PATJ: variants seen among roughly 807,000 people sequenced by gnomAD.
PATJ encodes the protein inaD-like protein.
Under a neutral mutation model 224.9 loss-of-function variants are expected in PATJ, and 190 were observed. The ratio of observed to expected loss-of-function variants is 0.84; its 90% CI spans 0.75 to 0.95. The LOEUF (loss-of-function observed/expected upper bound fraction) is 0.95. Ranked by LOEUF, PATJ falls within the 40% of genes least tolerant of loss-of-function variation. The probability of loss-of-function intolerance (pLI) is 0.00; values close to 1 mark genes in which losing one functional copy is unlikely to be tolerated. For missense variants in PATJ, 2,121 were observed against 2,270.3 expected (o/e 0.93, Z 1.34); for synonymous variants, 769 against 820.3 (o/e 0.94, Z 1.07).
intron 33 of PATJ, among the ~76,000 whole-genome samples, chr1:62,104,124 A>G (rs895497714): frequency 7.0e-6 from 1 of 142,144 alleles, no homozygotes; most frequent in African/African-American, 2.5e-5. Context: ...TTACATATGC[A>G]GAGATAGGAA....
At chr1:61,945,853 C>T (rs902477705) in intron 27 of PATJ, among the ~76,000 whole-genome samples, 10 of 152,108 alleles carry the variant, frequency 6.6e-5, no homozygotes, top group Admixed American at 3.3e-4. Flanking sequence ...GAACAGAAAT[C>T]ATAACAAACT....
rs548327745 is a variant in PATJ at position 61,970,125 on chromosome 1, G to T, written c.3671-20043G>T. 3.5e-4 allele frequency among the ~76,000 whole-genome samples: 53 copies of T among 150,774 alleles called. 2 individuals are homozygous for T. In the South Asian group the frequency reaches 0.011, roughly 31 times the overall value. On this transcript the variant is annotated intron_variant, in intron 27 of 43. Transcript: ENST00000642238. ...TCTGTGCTCTTGGTATCATATCCAA[G>T]AAACCATTGCCAAATCCAAAGTTAT...
chr1:62,024,840 C>T (rs1187728197), intron 29 of PATJ, among the ~76,000 whole-genome samples: 2 of 152,068 alleles, frequency 1.3e-5, no homozygotes, highest in Non-Finnish European at 2.9e-5. Flanking sequence ...AATATGATAC[C>T]TTAGGCATAG....
chr1:61,934,117 T>C (rs1010108772), intron 27 of PATJ, among the ~76,000 whole-genome samples: 1 of 149,546 alleles, frequency 6.7e-6, no homozygotes, highest in African/African-American at 2.5e-5. Context: ...TGTATTTTGT[T>C]GTTGTTGTTA....
chr1:61,845,347 G>C (rs1333723008), intron 17 of PATJ, among the ~76,000 whole-genome samples: 2 of 152,094 alleles, frequency 1.3e-5, no homozygotes, highest in African/African-American at 4.8e-5. Context: ...ATAGTCTGTA[G>C]ACCAAAAACA....
chr1:61,861,794 A>T, intron 19 of PATJ, 127 bp downstream of exon 19: 1 of 521,936 alleles, frequency 1.9e-6, no homozygotes, highest in Non-Finnish European at 3.4e-6. Context: ...ATAAATAAAG[A>T]CATAAAGAAG....
intron 27 of PATJ, among the ~76,000 whole-genome samples, chr1:61,960,919 G>C (rs1042448376): frequency 3.8e-4 from 58 of 152,142 alleles, no homozygotes; most frequent in African/African-American, 1.4e-3. Flanking sequence ...AAAGATGGAA[G>C]GATTGGTATC....
At chr1:61,910,406 T>C (rs1672446618) in intron 25 of PATJ, among the ~76,000 whole-genome samples, 1 of 152,178 alleles carries the variant, frequency 6.6e-6, no homozygotes, top group Admixed American at 6.5e-5. Context: ...GACTGCCACA[T>C]TGTACATTCA....
intron 31 of PATJ, among the ~76,000 whole-genome samples, chr1:62,062,686 G>T (rs893390915): frequency 6.6e-6 from 1 of 151,374 alleles, no homozygotes; most frequent in Non-Finnish European, 1.5e-5. Flanking sequence ...TGTAGAGATG[G>T]GGGTCTCACT....
At chr1:61,892,387 T>C (rs528718904) in intron 22 of PATJ, among the ~76,000 whole-genome samples, 1 of 152,274 alleles carries the variant, frequency 6.6e-6, no homozygotes, top group South Asian at 2.1e-4. Flanking sequence ...TCACCTTGGC[T>C]GTCTGGAGTC....
chr1:61,919,511 C>T (rs960453315), intron 26 of PATJ, among the ~76,000 whole-genome samples: 3 of 151,730 alleles, frequency 2.0e-5, no homozygotes, highest in African/African-American at 7.3e-5. Context: ...TGCCATGTTG[C>T]GCAGGCTGAT....
chr1:61,993,894 G>C (rs1287279668), intron 28 of PATJ, among the ~76,000 whole-genome samples: 1 of 152,094 alleles, frequency 6.6e-6, no homozygotes, highest in African/African-American at 2.4e-5. Flanking sequence ...ATAACATTTT[G>C]CTTTATTGGA....
At chr1:61,886,819 C>CAATAAAAAAAAAAAAAA in intron 22 of PATJ, among the ~76,000 whole-genome samples, 1 of 87,500 alleles carries the variant, frequency 1.1e-5, no homozygotes, top group Non-Finnish European at 2.7e-5. Context: ...GACCCCATCT[C>CAATAAAAAAAAAAAAAA]AAAAAAAAAA....
At chr1:61,799,080 T>C (rs905218632) in intron 11 of PATJ, among the ~76,000 whole-genome samples, 3 of 152,214 alleles carry the variant, frequency 2.0e-5, no homozygotes, top group African/African-American at 7.2e-5. Context: ...AGTAGAACTT[T>C]TGTTGCTGAA....
rs375726285 is a variant in PATJ at position 62,114,129 on chromosome 1, G to A, written c.4538G>A (p.Arg1513Gln). ...TALRQTPQKV[R>Q]LVVYRDEAHY... Reference sequence around the variant, plus strand: ...CTGAGGCAGACCCCCCAGAAGGTGCGGCTGGTGGTGTATAGAGATGAGGCA... The same window carrying A: ...CTGAGGCAGACCCCCCAGAAGGTGCAGCTGGTGGTGTATAGAGATGAGGCA... The change falls in exon 35 of 44, where the codon CGG becomes CAG. Residue 1513 changes from arginine (R) to glutamine (Q), a missense_variant. Physicochemically the swap from Arg to Gln is conservative, Grantham distance 43. Coordinates refer to ENST00000642238, the MANE Select transcript of PATJ (RefSeq NM_001350145.3). 2.2e-5 allele frequency: 35 copies of A among 1,613,968 alleles called. No individual in the cohort carries two copies. In the Admixed American group the frequency reaches 2.3e-4, roughly 11 times the overall value.
chr1:62,042,167 G>C (rs543619138), intron 30 of PATJ, among the ~76,000 whole-genome samples: 1 of 152,196 alleles, frequency 6.6e-6, no homozygotes, highest in Admixed American at 6.5e-5. Flanking sequence ...AATCACATTA[G>C]GCATTTAAAT....
intron 30 of PATJ, among the ~76,000 whole-genome samples, chr1:62,043,789 A>G (rs991483109): frequency 5.9e-5 from 9 of 152,068 alleles, no homozygotes; most frequent in African/African-American, 1.4e-4. Context: ...GTGCAGTGGC[A>G]TGATCTCAGC....
At chr1:62,123,809 A>G (rs1055433812) in intron 39 of PATJ, among the ~76,000 whole-genome samples, 1 of 108,526 alleles carries the variant, frequency 9.2e-6, no homozygotes, top group Non-Finnish European at 1.7e-5. Context: ...CCAGTTTCCT[A>G]TTATTGAACA....
chr1:61,972,333 G>A (rs1443486162), intron 27 of PATJ, among the ~76,000 whole-genome samples: 2 of 151,972 alleles, frequency 1.3e-5, no homozygotes, highest in Non-Finnish European at 2.9e-5. Context: ...AGATTTTTGA[G>A]CATTTCTAAT....
Sources: gnomAD v4.1 joint callset for allele counts (sites outside exome capture counted in the v4.1 genomes callset) on GRCh38, gnomAD v4.1.1 for gene constraint, MANE v1.5 for transcripts, NCBI Gene and HGNC (gene_info 2026-07-23, HGNC 2026-07-21) for gene names.